Variants in CNTN3 observed in about 807,000 individuals in gnomAD.
CNTN3 encodes contactin-3.
Under a neutral mutation model 119.1 loss-of-function variants are expected in CNTN3, and 60 were observed. The ratio of observed to expected loss-of-function variants is 0.50; its 90% CI spans 0.41 to 0.62. CNTN3 has a LOEUF of 0.62. Ranked by LOEUF, CNTN3 falls within the 20% of genes least tolerant of loss-of-function variation. The pLI is 0.00. For synonymous variants in CNTN3, 450 were observed against 438.7 expected, an observed-to-expected ratio of 1.03 and a Z score of -0.32; for missense variants, 1,101 against 1,242.4, an observed-to-expected ratio of 0.89 and a Z score of 1.71.
intron 1 of CNTN3, among the ~76,000 whole-genome samples, chr3:74,535,648 G>C: frequency 6.6e-6 from 1 of 152,102 alleles, no homozygotes; most frequent in Non-Finnish European, 1.5e-5. Flanking sequence ...TGCGAGCCTG[G>C]GGCTGCCAGA....
At chr3:74,353,681 G>T (rs1202206104) in intron 11 of CNTN3, among the ~76,000 whole-genome samples, 1 of 152,174 alleles carries the variant, frequency 6.6e-6, no homozygotes, top group East Asian at 1.9e-4. Flanking sequence ...GCGTGAACCC[G>T]GGAGGCGGAG....
chr3:74,407,300 C>A (rs1465401860), intron 5 of CNTN3, among the ~76,000 whole-genome samples: 1 of 123,958 alleles, frequency 8.1e-6, no homozygotes, highest in Non-Finnish European at 1.6e-5. Context: ...CGGAGTCTCA[C>A]TCTTGTTGCC....
In CNTN3 at chr3:74,298,051, C is replaced by A. The variant is rs763848161; in HGVS notation, c.2307G>T (p.Val769=). ...PRYVFRNESI[V]PYSPYEVKVG... ...CTTTAACTTCATATGGTGAATATGG[C>A]ACGATGCTTTCATTCCTAAAGACAT... Residue 769 remains valine, a synonymous_variant, in exon 18 of 23, where the codon GTG becomes GTT. Transcript: ENST00000263665. 12 of 1,613,932 alleles carry A rather than the reference C, an allele frequency of 7.4e-6. No individual in the cohort carries two copies. The East Asian group carries it at 2.7e-4, about 36-fold the overall frequency.
intron 4 of CNTN3, among the ~76,000 whole-genome samples, chr3:74,476,851 T>C (rs1332935042): frequency 2.0e-5 from 3 of 152,076 alleles, no homozygotes; most frequent in African/African-American, 7.2e-5. Flanking sequence ...ATTAATATAG[T>C]ATAGGCTAGA....
At chr3:74,361,080 T>C (rs1053391660) in intron 11 of CNTN3, among the ~76,000 whole-genome samples, 1 of 152,082 alleles carries the variant, frequency 6.6e-6, no homozygotes, top group Non-Finnish European at 1.5e-5. Context: ...TATCACAAGC[T>C]CTGAGCATAA....
At chr3:74,563,179 T>C (rs1233986215) in intron 1 of CNTN3, among the ~76,000 whole-genome samples, 1 of 152,170 alleles carries the variant, frequency 6.6e-6, no homozygotes, top group East Asian at 1.9e-4. Flanking sequence ...ATATTCCTAG[T>C]GCTTCTTTCG....
chr3:74,288,159 CTT>C lies in CNTN3; in HGVS notation c.2518-2670_2518-2669del, dbSNP rs3084509. On this transcript the variant is annotated intron_variant, in intron 19 of 22. Transcript: ENST00000263665. Reference sequence around the variant, plus strand: ...CATCTTTTTTCTTTTCTTTTCTTTTCTTTTTTTTTTTTTTTTTGAGACAGAGT... The same window carrying C: ...CATCTTTTTTCTTTTCTTTTCTTTTCTTTTTTTTTTTTTTTGAGACAGAGT... 3.4e-3 allele frequency among the ~76,000 whole-genome samples: 305 copies of C among 90,356 alleles called. 1 individual carries two copies. The highest frequency in any genetic ancestry group is 9.9e-3 in the African/African-American group (293 of 29,668). The allele number at this position is 90,356 out of a possible 152,430, so 59.3% of individuals were successfully genotyped here. A position where few individuals can be genotyped will look rare whatever the true frequency, so the allele number is the denominator to read the frequency against.
intron 1 of CNTN3, among the ~76,000 whole-genome samples, chr3:74,524,992 C>T (rs554202020): frequency 6.6e-6 from 1 of 151,782 alleles, no homozygotes; most frequent in African/African-American, 2.4e-5. Flanking sequence ...GTATGGGGGT[C>T]AATCTTGTAT....
intron 1 of CNTN3, among the ~76,000 whole-genome samples, chr3:74,603,456 T>C (rs987700061): frequency 5.9e-5 from 9 of 152,072 alleles, no homozygotes; most frequent in Admixed American, 5.2e-4. Context: ...CAATGCACAA[T>C]ATGGAAGAGC....
At chr3:74,361,824 C>T (rs750590419) in intron 11 of CNTN3, 66 bp downstream of exon 11, 56 of 1,467,344 alleles carry the variant, frequency 3.8e-5, no homozygotes, top group Middle Eastern at 1.8e-4. Flanking sequence ...TATTTAAAAC[C>T]TATGTTGACA....
intron 1 of CNTN3, among the ~76,000 whole-genome samples, chr3:74,560,263 G>A (rs185932692): frequency 6.6e-6 from 1 of 152,224 alleles, no homozygotes; most frequent in Admixed American, 6.5e-5. Flanking sequence ...TACCTACAGA[G>A]CATTCAGTGC....
At chr3:74,475,798 C>T (rs1192348706) in intron 4 of CNTN3, among the ~76,000 whole-genome samples, 2 of 152,146 alleles carry the variant, frequency 1.3e-5, no homozygotes, top group East Asian at 3.9e-4. Context: ...GCAGTACTTT[C>T]AAGGTCATTC....
At chr3:74,328,956 A>C (rs1703195302) in intron 13 of CNTN3, among the ~76,000 whole-genome samples, 1 of 152,182 alleles carries the variant, frequency 6.6e-6, no homozygotes, top group Non-Finnish European at 1.5e-5. Context: ...AAAATGTATA[A>C]TATAGTCCAA....
intron 3 of CNTN3, among the ~76,000 whole-genome samples, chr3:74,494,336 A>G (rs1335105942): frequency 6.6e-6 from 1 of 152,168 alleles, no homozygotes; most frequent in Non-Finnish European, 1.5e-5. Flanking sequence ...TTATTTTGTT[A>G]TACTATCACC....
At chr3:74,504,392 A>C (rs1285763843) in intron 2 of CNTN3, among the ~76,000 whole-genome samples, 1 of 152,170 alleles carries the variant, frequency 6.6e-6, no homozygotes, top group Non-Finnish European at 1.5e-5. Context: ...GTAAAATCAT[A>C]TGCCGCCAAT....
intron 5 of CNTN3, among the ~76,000 whole-genome samples, chr3:74,419,018 A>G (rs1701575592): frequency 6.6e-6 from 1 of 151,080 alleles, no homozygotes; most frequent in Non-Finnish European, 1.5e-5. Flanking sequence ...GCTGGTCTTG[A>G]ACTCCTGAGT....
At chr3:74,454,146 A>T (rs1222478759) in intron 4 of CNTN3, among the ~76,000 whole-genome samples, 7 of 125,378 alleles carry the variant, frequency 5.6e-5, no homozygotes, top group Admixed American at 1.7e-4. Flanking sequence ...GTGGGAGTCT[A>T]AGTCTCTTTG....
At chr3:74,412,898 T>C (rs962102283) in intron 5 of CNTN3, among the ~76,000 whole-genome samples, 1 of 152,140 alleles carries the variant, frequency 6.6e-6, no homozygotes, top group Admixed American at 6.6e-5. Context: ...GTTGGAATAA[T>C]GTAGACTGGC....
intron 11 of CNTN3, among the ~76,000 whole-genome samples, chr3:74,343,855 G>T (rs1280799397): frequency 6.6e-6 from 1 of 152,166 alleles, no homozygotes; most frequent in Non-Finnish European, 1.5e-5. Flanking sequence ...GGTGATACTG[G>T]TGCTGCTGAT....
Sources: gnomAD v4.1 joint callset for allele counts (sites outside exome capture counted in the v4.1 genomes callset) on GRCh38, gnomAD v4.1.1 for gene constraint, MANE v1.5 for transcripts, NCBI Gene and HGNC (gene_info 2026-07-23, HGNC 2026-07-21) for gene names.